MRPL19: variants seen among roughly 807,000 people sequenced by gnomAD.
MRPL19 encodes mitochondrial ribosomal protein L19, also known as large ribosomal subunit protein bL19m.
In MRPL19, 31 loss-of-function variants were observed where a neutral mutation model predicts 34.0. That is an observed-to-expected ratio of 0.91 (90% confidence interval 0.68 to 1.23). The LOEUF is 1.23. Among genes scored for constraint, MRPL19 ranks in the 50% most tolerant of loss-of-function variants. The pLI is 0.00. For missense variants in MRPL19, 384 were observed against 367.6 expected (o/e 1.04, Z -0.37); for synonymous variants, 152 against 127.7 (o/e 1.19, Z -1.28).
chr2:75,647,023 G>A, intron 1 of MRPL19, 79 bp from the exon 2 acceptor site: 2 of 1,487,302 alleles, frequency 1.3e-6, no homozygotes, highest in Non-Finnish European at 9.0e-7. Flanking sequence ...GTGGGACGCC[G>A]GGTTGGGGGA....
rs775688980 is a variant in MRPL19 at position 75,647,224 on chromosome 2, G to T, written c.221+5G>T. ...CCCCGTGGAACCGGAACGCAGGTGA[G>T]GCACTGCCCTGGCGCTAGGCCGGCA... is the stretch of plus-strand genomic sequence containing the variant. On this transcript the variant is annotated splice_donor_5th_base_variant and intron_variant, in intron 2 of 5. Transcript: ENST00000393909. 6.3e-7 allele frequency: 1 copy of T among 1,576,656 alleles called. No homozygotes were observed. Among genetic ancestry groups the T allele is most frequent in the Admixed American group, 1.8e-5 (1 of 55,020 alleles).
At chr2:75,652,988 A>C (rs965256497) in intron 4 of MRPL19, among the ~76,000 whole-genome samples, 2 of 152,224 alleles carry the variant, frequency 1.3e-5, no homozygotes, top group African/African-American at 2.4e-5. Flanking sequence ...CCCATGAGTA[A>C]AACTTTAAGA....
At chr2:75,648,321 CGTGTAT>C (rs1159834505) in intron 2 of MRPL19, among the ~76,000 whole-genome samples, 44 of 152,152 alleles carry the variant, frequency 2.9e-4, no homozygotes, top group African/African-American at 1.0e-3. Context: ...AAACTCCTAA[CGTGTAT>C]GTACAAGGAG....
rs1678495783 is a variant in MRPL19 at position 75,657,772 on chromosome 2, T to C, written c.*2487T>C. ...GTAAACAATCATGCTTTTTACTCTG[T>C]AGGAATATCTTTAAAATTCTTGTGA... On this transcript the variant is annotated 3_prime_UTR_variant, in exon 6 of 6. Coordinates refer to ENST00000393909, the MANE Select transcript of MRPL19 (RefSeq NM_014763.4). The C allele has an allele frequency of 6.6e-6, 1 of 152,060 alleles. No homozygotes were observed. The highest frequency in any genetic ancestry group is 2.4e-5 in the African/African-American group (1 of 41,440). 9.4% of individuals were successfully genotyped at this position (152,060 alleles called of 1,614,324 possible).
chr2:75,652,274 G>GT lies in MRPL19; in HGVS notation c.340+15dup. The GT allele has an allele frequency of 1.3e-6, 2 of 1,493,646 alleles. No individual in the cohort carries two copies. The highest frequency in any genetic ancestry group is 1.8e-6 in the Non-Finnish European group (2 of 1,090,440). 92.5% of individuals were successfully genotyped at this position (1,493,646 alleles called of 1,614,324 possible). A position where few individuals can be genotyped will look rare whatever the true frequency, so the allele number is the denominator to read the frequency against. On this transcript the variant is annotated intron_variant, in intron 3 of 5. Transcript: ENST00000393909. The stretch of plus-strand genomic sequence containing the variant: ...AGTTCTATGTTGGTCAGTAAGAGCT[G>GT]TATGTTTTTATTATTAGTAATTAGG...
rs756989492 is a variant in MRPL19, at chr2:75,658,657, T to C, written c.*3372T>C. On this transcript the variant is annotated 3_prime_UTR_variant, in exon 6 of 6. Coordinates refer to ENST00000393909, the MANE Select transcript of MRPL19 (RefSeq NM_014763.4). ...GTTATTGATTTCCAAGTTCATTCCATTGTGATTAGAGAAGATACTTAGTAT... is the reference window on the plus strand; with the variant it reads ...GTTATTGATTTCCAAGTTCATTCCACTGTGATTAGAGAAGATACTTAGTAT... 1.6e-4 allele frequency among the ~76,000 whole-genome samples: 24 copies of C among 152,154 alleles called. No homozygotes were observed. Among genetic ancestry groups the C allele is most frequent in the Non-Finnish European group, 3.1e-4 (21 of 68,018 alleles).
intron 2 of MRPL19, among the ~76,000 whole-genome samples, chr2:75,647,916 C>T (rs929099995): frequency 6.6e-6 from 1 of 152,018 alleles, no homozygotes; most frequent in East Asian, 1.9e-4. Context: ...TAGACAGAGT[C>T]TCTCTCAGTC....
At position 75,657,051 on chromosome 2, in the gene MRPL19, T is replaced by G. The variant is rs1678470445; in HGVS notation, c.*1766T>G. ...ACCAAAAAGCCTTTATCTATGGATT[T>G]GTTCACAGATAAGGGGTATTCAATA... On this transcript the variant is annotated 3_prime_UTR_variant, in exon 6 of 6. Coordinates refer to ENST00000393909, the MANE Select transcript of MRPL19 (RefSeq NM_014763.4). 6.6e-6 allele frequency: 1 copy of G among 152,188 alleles called. No individual in the cohort carries two copies. The highest frequency in any genetic ancestry group is 2.1e-4 in the South Asian group (1 of 4,836). The allele number at this position is 152,188 out of a possible 1,614,324, so 9.4% of individuals were successfully genotyped here.
chr2:75,650,971 C>T (rs972650657), intron 2 of MRPL19, among the ~76,000 whole-genome samples: 1 of 152,136 alleles, frequency 6.6e-6, no homozygotes, highest in African/African-American at 2.4e-5. Flanking sequence ...GGCTCAGAGA[C>T]AGTCAGTAGG....
rs528012397 is a variant in MRPL19, at chr2:75,655,297, A to C, written c.*12A>C. ...CGAAAAGGTCTTGATTCTGAGAATG[A>C]ATTTGGTTAGTTGCAGAAGATACAT... On this transcript the variant is annotated 3_prime_UTR_variant, in exon 6 of 6. Coordinates refer to ENST00000393909, the MANE Select transcript of MRPL19 (RefSeq NM_014763.4). 6.2e-6 allele frequency: 10 copies of C among 1,600,326 alleles called. No individual in the cohort carries two copies. In the South Asian group the frequency reaches 1.1e-4, roughly 18 times the overall value.
rs577513375 is a variant in MRPL19 at position 75,660,196 on chromosome 2, G to A, written c.*4911G>A. On this transcript the variant is annotated 3_prime_UTR_variant, in exon 6 of 6. Coordinates refer to ENST00000393909, the MANE Select transcript of MRPL19 (RefSeq NM_014763.4). ...TTTTCAGCTCCAAGATTTATCTTTG[G>A]TTCCTTTTTATAACGTCTGTGTCTT... is the stretch of plus-strand genomic sequence containing the variant. Among the ~76,000 whole-genome samples the A allele has an allele frequency of 3.4e-4, 52 of 151,774 alleles. No individual in the cohort carries two copies. The highest frequency in any genetic ancestry group is 1.2e-3 in the African/African-American group (49 of 41,412).
At chr2:75,653,431 A>T (rs1678372810) in intron 4 of MRPL19, among the ~76,000 whole-genome samples, 1 of 152,126 alleles carries the variant, frequency 6.6e-6, no homozygotes, top group South Asian at 2.1e-4. Context: ...GAGTCATTTG[A>T]TTTTCTTTAA....
chr2:75,654,324 T>G (rs913477512), intron 4 of MRPL19, among the ~76,000 whole-genome samples: 4 of 152,178 alleles, frequency 2.6e-5, no homozygotes, highest in Non-Finnish European at 4.4e-5. Context: ...AAGTTGGAAC[T>G]TAATATTTTA....
chr2:75,652,234 T>A lies in MRPL19; in HGVS notation c.314T>A (p.Val105Glu). The A allele has an allele frequency of 1.3e-6, 2 of 1,589,708 alleles. No homozygotes were observed. The highest frequency in any genetic ancestry group is 1.7e-6 in the Non-Finnish European group (2 of 1,161,852). ...AAAGATATGTTAGAAAGGAGAAAAG[T>A]ACTCCACATTCCAGAGTTCTATGTT... The part of the protein sequence containing the change: ...ERKDMLERRK[V>E]LHIPEFYVGS... The change falls in exon 3 of 6, where the codon GTA (valine) becomes GAA (glutamate). Residue 105 changes from valine (V) to glutamate (E), a missense_variant. Val to Glu is a moderately radical substitution (Grantham distance 121). Transcript: ENST00000393909.
Position 75,655,270 on chromosome 2 carries a change from GT to G in MRPL19, c.865del (p.Ser289ArgfsTer12). ...CTGCAATATGGAAGGAAATTGAAGCGTCGAAAAGGTCTTGATTCTGAGAATG... is the reference window on the plus strand; with the variant it reads ...CTGCAATATGGAAGGAAATTGAAGCGCGAAAAGGTCTTGATTCTGAGAATG... Reference protein sequence around the residue: ...EAAIWKEIEASKRS With the variant: ...EAAIWKEIEAXKRS On this transcript the variant is annotated frameshift_variant, in exon 6 of 6. Transcript: ENST00000393909. LOFTEE classifies it high-confidence loss of function. 6.2e-7 allele frequency: 1 copy of G among 1,612,034 alleles called. No homozygotes were observed.
Position 75,655,077 on chromosome 2 carries a change from T to TGAAGCC in MRPL19, c.672_677dup (p.Lys227_Pro228dup). On this transcript the variant is annotated inframe_insertion, in exon 6 of 6. Transcript: ENST00000393909. ...AATCTTCCTTAGCTGAAAGTAAAAA[T>TGAAGCC]GAAGCCTAAGCCCTGGTCTAAACGC... 2 of 1,529,682 alleles carry TGAAGCC rather than the reference T, an allele frequency of 1.3e-6. No individual in the cohort carries two copies. The highest frequency in any genetic ancestry group is 2.0e-4 in the Middle Eastern group (1 of 4,998). The allele number at this position is 1,529,682 out of a possible 1,614,324, so 94.8% of individuals were successfully genotyped here. A position where few individuals can be genotyped will look rare whatever the true frequency, so the allele number is the denominator to read the frequency against.
rs3732304 is a variant in MRPL19, at chr2:75,655,729, A to G, written c.*444A>G. 0.19 allele frequency: 29,363 copies of G among 152,478 alleles called. 3,576 individuals carry two copies. Among genetic ancestry groups the G allele is most frequent in the South Asian group, 0.27 (1,314 of 4,834 alleles). 9.4% of individuals were successfully genotyped at this position (152,478 alleles called of 1,614,324 possible). A position where few individuals can be genotyped will look rare whatever the true frequency, so the allele number is the denominator to read the frequency against. On this transcript the variant is annotated 3_prime_UTR_variant, in exon 6 of 6. Coordinates refer to ENST00000393909, the MANE Select transcript of MRPL19 (RefSeq NM_014763.4). The stretch of plus-strand genomic sequence containing the variant: ...ATGTTAAGAAATAAAACATTTAATA[A>G]GATCTCAGAAGACTCCAGTAAATCT...
chr2:75,656,945 A>G lies in MRPL19; in HGVS notation c.*1660A>G, dbSNP rs1678468365. Reference sequence around the variant, plus strand: ...CCCAGTCTCTGTTTTTTAGCTCTTTAGCTCAATCTTCCAACTCTTTGCTAT... The same window carrying G: ...CCCAGTCTCTGTTTTTTAGCTCTTTGGCTCAATCTTCCAACTCTTTGCTAT... On this transcript the variant is annotated 3_prime_UTR_variant, in exon 6 of 6. Coordinates refer to ENST00000393909, the MANE Select transcript of MRPL19 (RefSeq NM_014763.4). 6.6e-6 allele frequency: 1 copy of G among 152,010 alleles called. No individual in the cohort carries two copies. Among genetic ancestry groups the G allele is most frequent in the South Asian group, 2.1e-4 (1 of 4,828 alleles). 9.4% of individuals were successfully genotyped at this position (152,010 alleles called of 1,614,324 possible).
chr2:75,652,365 C>G, intron 3 of MRPL19, 105 bp downstream of exon 3: 1 of 1,283,956 alleles, frequency 7.8e-7, no homozygotes, highest in Non-Finnish European at 1.1e-6. Flanking sequence ...TTTTACATAT[C>G]TGGGTTATGC....
Sources: allele counts gnomAD v4.1 joint callset (sites outside exome capture counted in the v4.1 genomes callset), GRCh38; gene constraint gnomAD v4.1.1; transcripts MANE v1.5; gene names NCBI Gene and HGNC (gene_info 2026-07-23, HGNC 2026-07-21).